Variants in ZC3H6 observed in about 807,000 individuals in gnomAD.
ZC3H6 encodes the protein zinc finger CCCH domain-containing protein 6.
ZC3H6 carries 40 observed loss-of-function variants against 107.7 expected under a neutral mutation model. The ratio of observed to expected loss-of-function variants is 0.37; its 90% confidence interval spans 0.29 to 0.48. ZC3H6 has a LOEUF of 0.48. ZC3H6 is among the 20% of genes least tolerant of loss of function. The pLI, the probability that ZC3H6 is intolerant of heterozygous loss-of-function variation, is 0.98. For synonymous variants in ZC3H6, 493 were observed against 487.9 expected, an observed-to-expected ratio of 1.01 and a Z score of -0.14; for missense variants, 1,267 against 1,410.4, an observed-to-expected ratio of 0.90 and a Z score of 1.63.
rs771305504 is a variant in ZC3H6, at chr2:112,331,012, A to G, written c.2094A>G (p.Thr698=). Residue 698 remains threonine (T), a synonymous_variant, in exon 12 of 12, where the codon ACA becomes ACG. Coordinates refer to ENST00000409871, the MANE Select transcript of ZC3H6 (RefSeq NM_198581.3). ...GTTTTTGTCTGCATTTAGATGATAC[A>G]GTTAACTGGTATTCCAGTAGTGAAG... ...HRAPSKEEDD[T]VNWYSSSEEE... 53 of 1,498,722 alleles carry G rather than the reference A, an allele frequency of 3.5e-5. No homozygotes were observed. The highest frequency in any genetic ancestry group is 4.7e-5 in the Non-Finnish European group (53 of 1,129,246). The allele number at this position is 1,498,722 out of a possible 1,614,324, so 92.8% of individuals were successfully genotyped here. A position where few individuals can be genotyped will look rare whatever the true frequency, so the allele number is the denominator to read the frequency against.
intron 11 of ZC3H6, among the ~76,000 whole-genome samples, chr2:112,330,489 C>G (rs2104726820): frequency 6.6e-6 from 1 of 152,284 alleles, no homozygotes; most frequent in African/African-American, 2.4e-5. Context: ...CTACCTTAAC[C>G]ATCACTTTCA....
intron 3 of ZC3H6, among the ~76,000 whole-genome samples, chr2:112,305,255 G>A (rs1432845320): frequency 6.6e-6 from 1 of 152,154 alleles, no homozygotes; most frequent in Non-Finnish European, 1.5e-5. Context: ...CAAGTGAGAA[G>A]ACATTTGAAA....
intron 7 of ZC3H6, among the ~76,000 whole-genome samples, chr2:112,320,260 A>G (rs963607053): frequency 1.3e-5 from 2 of 152,200 alleles, no homozygotes; most frequent in Admixed American, 6.5e-5. Context: ...AGAAAAATGA[A>G]ATCTATAATG....
At position 112,339,495 on chromosome 2, in the gene ZC3H6, G is replaced by A. The variant is rs1677202241; in HGVS notation, c.*7007G>A. ...TCAGAAAGGGTTTGGCATAGATCCAGGGCTCCAGGGCCCAGGTCATTTTGT... is the reference window on the plus strand; with the variant it reads ...TCAGAAAGGGTTTGGCATAGATCCAAGGCTCCAGGGCCCAGGTCATTTTGT... On this transcript the variant is annotated 3_prime_UTR_variant, in exon 12 of 12. Coordinates refer to ENST00000409871, the MANE Select transcript of ZC3H6 (RefSeq NM_198581.3). The A allele has an allele frequency of 6.6e-6, 1 of 152,100 alleles. No homozygotes were observed. Among genetic ancestry groups the A allele is most frequent in the Admixed American group, 6.5e-5 (1 of 15,272 alleles). The allele number at this position is 152,100 out of a possible 1,614,324, so 9.4% of individuals were successfully genotyped here. A position where few individuals can be genotyped will look rare whatever the true frequency, so the allele number is the denominator to read the frequency against.
chr2:112,294,899 A>G (rs960817209), intron 1 of ZC3H6, among the ~76,000 whole-genome samples: 2 of 152,212 alleles, frequency 1.3e-5, no homozygotes, highest in African/African-American at 2.4e-5. Flanking sequence ...ACTTAGATCT[A>G]GAGAAAAAAT....
intron 1 of ZC3H6, among the ~76,000 whole-genome samples, chr2:112,283,344 C>G (rs550740778): frequency 3.3e-5 from 5 of 152,216 alleles, no homozygotes; most frequent in Admixed American, 6.5e-5. Context: ...AATTTGAGTT[C>G]TAGCTTAACA....
intron 5 of ZC3H6, chr2:112,312,150 AT>A: frequency 2.1e-6 from 1 of 481,900 alleles, no homozygotes; most frequent in East Asian, 3.6e-5. Flanking sequence ...TAAAATTGTT[AT>A]GTTTGAAAGA....
chr2:112,322,508 T>G, intron 8 of ZC3H6, 141 bp from the exon 9 acceptor site: 10 of 913,270 alleles, frequency 1.1e-5, no homozygotes, highest in Non-Finnish European at 1.4e-5. Context: ...TCCAAGGTGT[T>G]GAGATTAAAG....
chr2:112,305,322 A>G (rs981613132), intron 3 of ZC3H6, among the ~76,000 whole-genome samples: 23 of 152,186 alleles, frequency 1.5e-4, no homozygotes, highest in Admixed American at 5.2e-4. Flanking sequence ...AGTAACCCCA[A>G]AGAGGAAGTT....
intron 3 of ZC3H6, among the ~76,000 whole-genome samples, chr2:112,305,356 C>T (rs532399521): frequency 6.6e-6 from 1 of 152,232 alleles, no homozygotes; most frequent in South Asian, 2.1e-4. Context: ...ATAGTGGCAG[C>T]ATTATTGTAA....
intron 7 of ZC3H6, among the ~76,000 whole-genome samples, 159 bp downstream of exon 7, chr2:112,317,491 A>G (rs1158831758): frequency 6.6e-6 from 1 of 152,212 alleles, no homozygotes; most frequent in East Asian, 1.9e-4. Flanking sequence ...TTGTACTTCA[A>G]AAGAGCAAAC....
At position 112,303,124 on chromosome 2, in the gene ZC3H6, A is replaced by G. The variant is rs953241636; in HGVS notation, c.214-105A>G. Reference sequence around the variant, plus strand: ...GTACTTCAGAGTCTCCTGGAATAATATAATCTACTGGTTGGTACCTCTGGC... The same window carrying G: ...GTACTTCAGAGTCTCCTGGAATAATGTAATCTACTGGTTGGTACCTCTGGC... On this transcript the variant is annotated intron_variant, in intron 2 of 11. Transcript: ENST00000409871. 3 of 1,390,094 alleles carry G rather than the reference A, an allele frequency of 2.2e-6. No individual in the cohort carries two copies. The African/African-American group carries it at 4.4e-5, about 20-fold the overall frequency. The allele number at this position is 1,390,094 out of a possible 1,614,324, so 86.1% of individuals were successfully genotyped here. A position where few individuals can be genotyped will look rare whatever the true frequency, so the allele number is the denominator to read the frequency against.
At chr2:112,308,204 T>G (rs1381074089) in intron 3 of ZC3H6, among the ~76,000 whole-genome samples, 1 of 152,070 alleles carries the variant, frequency 6.6e-6, no homozygotes, top group East Asian at 1.9e-4. Context: ...ATGGAGTTCA[T>G]AAACTTTAAA....
At chr2:112,288,424 A>G (rs138046630) in intron 1 of ZC3H6, among the ~76,000 whole-genome samples, 2 of 152,302 alleles carry the variant, frequency 1.3e-5, no homozygotes, top group African/African-American at 2.4e-5. Flanking sequence ...AGGGCTATCT[A>G]CTAGGTGGTA....
In ZC3H6 at chr2:112,317,217, A is replaced by C. The variant is rs1467168952; in HGVS notation, c.865-4A>C. ...TTTTTTCTTTTTTTTTTTTTTGTGA[A>C]TAGGGAGATCAGTGTAAATTTGATC... On this transcript the variant is annotated splice_polypyrimidine_tract_variant and splice_region_variant and intron_variant, in intron 6 of 11. Transcript: ENST00000409871. 2.2e-6 allele frequency: 3 copies of C among 1,357,858 alleles called. No homozygotes were observed. In the East Asian group the frequency reaches 8.2e-5, roughly 37 times the overall value. The allele number at this position is 1,357,858 out of a possible 1,614,324, so 84.1% of individuals were successfully genotyped here.
At chr2:112,323,120 A>G (rs1245908416) in intron 9 of ZC3H6, among the ~76,000 whole-genome samples, 1 of 152,156 alleles carries the variant, frequency 6.6e-6, no homozygotes, top group Non-Finnish European at 1.5e-5. Context: ...CAGCTTCTGA[A>G]ACTTCTCAGC....
chr2:112,277,025 A>T (rs1202698385), intron 1 of ZC3H6, among the ~76,000 whole-genome samples: 1 of 151,884 alleles, frequency 6.6e-6, no homozygotes, highest in Non-Finnish European at 1.5e-5. Context: ...TAGTAATGTG[A>T]TCGGCTTGGT....
intron 7 of ZC3H6, among the ~76,000 whole-genome samples, 161 bp from the exon 8 acceptor site, chr2:112,321,595 A>G (rs1676803197): frequency 6.6e-6 from 1 of 152,052 alleles, no homozygotes; most frequent in South Asian, 2.1e-4. Context: ...TACTCCCTTA[A>G]CAAAATTTTA....
intron 5 of ZC3H6, among the ~76,000 whole-genome samples, chr2:112,314,011 A>G (rs1046907773): frequency 1.3e-5 from 2 of 152,174 alleles, no homozygotes; most frequent in Non-Finnish European, 2.9e-5. Context: ...ATTTTTTTGT[A>G]ATAAATATTA....
Sources: gnomAD v4.1 joint callset for allele counts (sites outside exome capture counted in the v4.1 genomes callset) on GRCh38, gnomAD v4.1.1 for gene constraint, MANE v1.5 for transcripts, NCBI Gene and HGNC (gene_info 2026-07-23, HGNC 2026-07-21) for gene names.